Variants in NRAP observed in about 807,000 individuals in gnomAD.
NRAP encodes nebulin-related-anchoring protein.
In NRAP, 189 loss-of-function variants were observed where a neutral mutation model predicts 225.9. The ratio of observed to expected loss-of-function variants is 0.84; its 90% CI spans 0.74 to 0.94. The LOEUF (loss-of-function observed/expected upper bound fraction) is 0.94, where lower values mean the gene tolerates loss of function less well. Among genes scored for constraint, NRAP ranks in the 40% least tolerant of loss-of-function variants. NRAP has a pLI of 0.00. For missense variants in NRAP, 2,176 were observed against 2,168.7 expected, an observed-to-expected ratio of 1.00 and a Z score of -0.07; for synonymous variants, 769 against 790.7, an observed-to-expected ratio of 0.97 and a Z score of 0.46.
intron 10 of NRAP, among the ~76,000 whole-genome samples, chr10:113,646,308 A>G (rs1168256511): frequency 6.6e-6 from 1 of 152,234 alleles, no homozygotes; most frequent in African/African-American, 2.4e-5. Flanking sequence ...TTCCTCAGGC[A>G]AAGATGGTGC....
intron 6 of NRAP, 62 bp downstream of exon 6, chr10:113,652,873 C>CG: frequency 9.1e-7 from 1 of 1,103,342 alleles, no homozygotes; most frequent in Admixed American, 1.8e-5. Flanking sequence ...CCCTAAATCA[C>CG]GGGGGCTCAT....
chr10:113,631,754 C>T (rs549746039), intron 17 of NRAP, 103 bp downstream of exon 17: 30 of 894,660 alleles, frequency 3.4e-5, no homozygotes, highest in East Asian at 7.2e-5. Flanking sequence ...TAAAGTATTG[C>T]GATGTTTACA....
chr10:113,623,655 G>T lies in NRAP; in HGVS notation c.2350-19C>A, dbSNP rs1848127099. The T allele has an allele frequency of 1.3e-6, 2 of 1,546,586 alleles. No individual in the cohort carries two copies. The highest frequency in any genetic ancestry group is 1.4e-5 in the African/African-American group (1 of 73,598). On this transcript the variant is annotated intron_variant, in intron 22 of 41. Transcript: ENST00000359988. ...ACAGTTTCTAAGGGGATTTAGGAGAGAAGGTGAGTGGGTTTTCATGTGAGA... is the reference window on the plus strand; with the variant it reads ...ACAGTTTCTAAGGGGATTTAGGAGATAAGGTGAGTGGGTTTTCATGTGAGA...
chr10:113,606,233 G>A lies in NRAP; in HGVS notation c.3752C>T (p.Thr1251Ile), dbSNP rs1158252479. The part of the protein sequence containing the change: ...GEDARHEYTM[T>I]LGLPEFIRAK... ...TCGGATGAACTCGGGCAGACCCAGG[G>A]TCATTGTATACTCGTGTCTTGCATC... Residue 1251 changes from threonine to isoleucine, a missense_variant, in exon 33 of 42, where the codon ACC becomes ATC. Transcript: ENST00000359988. 2 of 1,614,024 alleles carry A rather than the reference G, an allele frequency of 1.2e-6. No homozygotes were observed. The highest frequency in any genetic ancestry group is 4.5e-5 in the East Asian group (2 of 44,900).
intron 1 of NRAP, 31 bp downstream of exon 1, chr10:113,663,780 T>C: frequency 6.6e-7 from 1 of 1,515,890 alleles, no homozygotes; most frequent in Non-Finnish European, 9.2e-7. Flanking sequence ...TGTTTGTTAT[T>C]ATTCACAAAA....
At chr10:113,608,684 G>A (rs1373731690) in intron 31 of NRAP, among the ~76,000 whole-genome samples, 172 bp from the exon 32 acceptor site, 1 of 152,230 alleles carries the variant, frequency 6.6e-6, no homozygotes, top group East Asian at 1.9e-4. Flanking sequence ...TCACTGGGAT[G>A]AGGAAGCAGA....
In NRAP at chr10:113,623,465, G is replaced by T. The variant is rs1051892062; in HGVS notation, c.2457+64C>A. ...TTAAGAACCTGCCCAGACACTCAGA[G>T]AATCTCCCCGGTATAAAAAGGCAGG... On this transcript the variant is annotated intron_variant, in intron 23 of 41. Coordinates refer to ENST00000359988, the MANE Select transcript of NRAP (RefSeq NM_198060.4). 17 of 1,029,734 alleles carry T rather than the reference G, an allele frequency of 1.7e-5. No homozygotes were observed. In the South Asian group the frequency reaches 2.3e-4, roughly 14 times the overall value. 63.8% of individuals were successfully genotyped at this position (1,029,734 alleles called of 1,614,324 possible). A position where few individuals can be genotyped will look rare whatever the true frequency, so the allele number is the denominator to read the frequency against.
Position 113,615,707 on chromosome 10 carries a change from C to T in NRAP, c.3078+5G>A. 1 of 1,571,596 alleles carries T rather than the reference C, an allele frequency of 6.4e-7. No homozygotes were observed. Among genetic ancestry groups the T allele is most frequent in the Non-Finnish European group, 8.8e-7 (1 of 1,141,280 alleles). The stretch of plus-strand genomic sequence containing the variant: ...TAAAACTCGTGCCCCTTGGGTCAGC[C>T]TCACCTCACTGATATTCATGGCATT... On this transcript the variant is annotated splice_donor_5th_base_variant and intron_variant, in intron 27 of 41. Coordinates refer to ENST00000359988, the MANE Select transcript of NRAP (RefSeq NM_198060.4).
chr10:113,642,305 T>C (rs1290595769), intron 12 of NRAP, among the ~76,000 whole-genome samples: 1 of 152,172 alleles, frequency 6.6e-6, no homozygotes, highest in Non-Finnish European at 1.5e-5. Flanking sequence ...ATAAGGTATG[T>C]TGGCTCTTAA....
At chr10:113,647,576 CTGGTGGT>C (rs1849615295) in intron 9 of NRAP, among the ~76,000 whole-genome samples, 2 of 148,080 alleles carry the variant, frequency 1.4e-5, no homozygotes, top group African/African-American at 5.0e-5. Flanking sequence ...ACTGCCTCCC[CTGGTGGT>C]ACTTCCTCCC....
intron 39 of NRAP, 82 bp from the exon 40 acceptor site, chr10:113,590,971 A>G (rs1272049655): frequency 1.6e-6 from 2 of 1,260,376 alleles, no homozygotes; most frequent in Non-Finnish European, 2.3e-6. Context: ...ATCCCAGGGC[A>G]TTCTCAGCAG....
intron 16 of NRAP, 120 bp from the exon 17 acceptor site, chr10:113,632,084 G>T: frequency 2.9e-6 from 2 of 680,756 alleles, no homozygotes; most frequent in Non-Finnish European, 5.3e-6. Context: ...CTCGGCTGTT[G>T]TTATCAAAAT....
rs117057269 is a variant in NRAP, at chr10:113,596,554, G to A, written c.4431+532C>T. 6.3e-3 allele frequency among the ~76,000 whole-genome samples: 958 copies of A among 152,318 alleles called. 5 individuals are homozygous for A. The highest frequency in any genetic ancestry group is 0.014 in the Middle Eastern group (4 of 294). ...AGGAAATAGGGCTAAATTATACAGA[G>A]AGTAAAATCAGGAAGAAGCTTTAAA... On this transcript the variant is annotated intron_variant, in intron 37 of 41. Transcript: ENST00000359988.
chr10:113,619,971 G>A (rs1847895032), intron 25 of NRAP, among the ~76,000 whole-genome samples: 1 of 152,130 alleles, frequency 6.6e-6, no homozygotes, highest in Admixed American at 6.5e-5. Flanking sequence ...ACATCCTGCG[G>A]GGCACAGGAT....
intron 35 of NRAP, among the ~76,000 whole-genome samples, chr10:113,598,347 G>A (rs977302925): frequency 6.7e-6 from 1 of 150,100 alleles, no homozygotes; most frequent in Non-Finnish European, 1.5e-5. Context: ...CTATGTGGAC[G>A]ATCGCATAAA....
chr10:113,624,894 G>C lies in NRAP; in HGVS notation c.2281C>G (p.Gln761Glu), dbSNP rs1327393568. ...YKAGNEQSVHQYTISKDEPLF... is the reference protein window; with the variant it reads ...YKAGNEQSVHEYTISKDEPLF... ...GGCTCGTCTTTGCTGATGGTATACT[G>C]ATGGACAGACTGCTCATTTCCTGCC... Residue 761 changes from glutamine (Q) to glutamate (E), a missense_variant, in exon 22 of 42, where the codon CAG becomes GAG. Around this residue, in one of 3 missense-constraint regions of NRAP, gnomAD observed 1,708 missense variants for 1,695.5 expected, o/e 1.01. Coordinates refer to ENST00000359988, the MANE Select transcript of NRAP (RefSeq NM_198060.4). 6.2e-7 allele frequency: 1 copy of C among 1,613,872 alleles called. No individual in the cohort carries two copies. The highest frequency in any genetic ancestry group is 1.3e-5 in the African/African-American group (1 of 74,918).
intron 3 of NRAP, among the ~76,000 whole-genome samples, chr10:113,657,844 A>G (rs1473132210): frequency 6.6e-6 from 1 of 152,240 alleles, no homozygotes; most frequent in Non-Finnish European, 1.5e-5. Context: ...AACCTACCAC[A>G]CAATACAAAT....
intron 8 of NRAP, 53 bp from the exon 9 acceptor site, chr10:113,650,194 C>T: frequency 2.7e-6 from 3 of 1,127,624 alleles, no homozygotes; most frequent in Non-Finnish European, 4.0e-6. Flanking sequence ...TGCACAGGAG[C>T]CAAAAGAGTA....
chr10:113,603,174 G>A (rs1000087445), intron 35 of NRAP, among the ~76,000 whole-genome samples: 19 of 152,292 alleles, frequency 1.2e-4, no homozygotes, highest in African/African-American at 3.8e-4. Context: ...TGTCATTATC[G>A]TCATGTTCCA....
Sources: gnomAD v4.1 joint callset for allele counts (sites outside exome capture counted in the v4.1 genomes callset) on GRCh38, gnomAD v4.1.1 for gene constraint, gnomAD v4.1.1 regional missense constraint, MANE v1.5 for transcripts, NCBI Gene and HGNC (gene_info 2026-07-23, HGNC 2026-07-21) for gene names.